Variants in DPP6 observed in about 807,000 individuals in gnomAD.
DPP6 encodes A-type potassium channel modulatory protein DPP6.
Under a neutral mutation model 122.6 loss-of-function variants are expected in DPP6, and 69 were observed. The observed-to-expected ratio is 0.56, with a 90% confidence interval of 0.46 to 0.69. DPP6 has a LOEUF of 0.69. Ranked by LOEUF, DPP6 falls within the 30% of genes least tolerant of loss-of-function variation. The pLI, the probability that DPP6 is intolerant of heterozygous loss-of-function variation, is 0.00. For missense variants in DPP6, 928 were observed against 1,116.9 expected (o/e 0.83, Z 2.41); for synonymous variants, 418 against 433.1 (o/e 0.97, Z 0.43).
chr7:153,899,705 G>C (rs1383328758), intron 1 of DPP6, among the ~76,000 whole-genome samples: 2 of 152,182 alleles, frequency 1.3e-5, no homozygotes, highest in African/African-American at 2.4e-5. Flanking sequence ...TGCTCAAAGT[G>C]TTCAAGCATT....
intron 1 of DPP6, among the ~76,000 whole-genome samples, chr7:153,947,556 G>A (rs1481602003): frequency 1.3e-5 from 2 of 152,210 alleles, no homozygotes; most frequent in East Asian, 1.9e-4. Flanking sequence ...TGATATGGAA[G>A]CCTTCCTAAG....
At chr7:154,423,682 A>C (rs748526437) in intron 1 of DPP6, among the ~76,000 whole-genome samples, 7 of 152,236 alleles carry the variant, frequency 4.6e-5, no homozygotes, top group Non-Finnish European at 8.8e-5. Context: ...ACAGACAAAA[A>C]GGAATAAGCA....
chr7:153,868,002 G>C, the DPP6 span, among the ~76,000 whole-genome samples: 296 of 152,128 alleles, frequency 1.9e-3, no homozygotes, highest in African/African-American at 6.2e-3. Context: ...GGATGAAGCC[G>C]ACTTGATCAT....
the DPP6 span, among the ~76,000 whole-genome samples, chr7:153,816,578 A>T: frequency 6.6e-6 from 1 of 152,104 alleles, no homozygotes; most frequent in South Asian, 2.1e-4. Flanking sequence ...AATGATTGAA[A>T]TAAGAGTAAA....
chr7:154,604,757 G>A (rs1833531165), intron 5 of DPP6, among the ~76,000 whole-genome samples: 2 of 120,972 alleles, frequency 1.7e-5, no homozygotes, highest in African/African-American at 2.6e-5. Flanking sequence ...ATATAGTGAA[G>A]TTACCATTTT....
intron 1 of DPP6, among the ~76,000 whole-genome samples, chr7:154,319,854 G>C: frequency 6.6e-6 from 1 of 151,898 alleles, no homozygotes; most frequent in African/African-American, 2.4e-5. Context: ...AGCTGGGCAT[G>C]GTGGTGGGTG....
intron 7 of DPP6, among the ~76,000 whole-genome samples, chr7:154,719,623 T>C (rs996974668): frequency 3.3e-5 from 5 of 152,100 alleles, no homozygotes; most frequent in African/African-American, 1.2e-4. Context: ...TACTGAATAT[T>C]TGTAAAGAGT....
At chr7:154,632,060 A>G (rs1246935720) in intron 5 of DPP6, among the ~76,000 whole-genome samples, 2 of 152,374 alleles carry the variant, frequency 1.3e-5, no homozygotes, top group East Asian at 3.9e-4. Flanking sequence ...TACAGAAAAC[A>G]GAAGTGAGGG....
chr7:154,662,241 C>T (rs1201408434), intron 6 of DPP6, among the ~76,000 whole-genome samples: 13 of 151,054 alleles, frequency 8.6e-5, no homozygotes, highest in South Asian at 6.3e-4. Flanking sequence ...ATCACCATGG[C>T]GTATTAGCCA....
rs1408964687 is a variant in DPP6 at position 154,601,893 on chromosome 7, T to C, written c.627+34977T>C. Among the ~76,000 whole-genome samples the C allele has an allele frequency of 1.6e-5, 2 of 121,434 alleles. 1 individual carries two copies. Among genetic ancestry groups the C allele is most frequent in the African/African-American group, 5.2e-5 (2 of 38,178 alleles). 79.7% of individuals were successfully genotyped at this position (121,434 alleles called of 152,430 possible). On this transcript the variant is annotated intron_variant, in intron 5 of 25. Transcript: ENST00000377770. ...AAAGCATTTATTATATGTCCCTTTA[T>C]GGAAAATATGTGCTGACTCCTATTT...
intron 5 of DPP6, among the ~76,000 whole-genome samples, chr7:154,617,512 C>G (rs1426850004): frequency 6.6e-6 from 1 of 152,110 alleles, no homozygotes; most frequent in Non-Finnish European, 1.5e-5. Flanking sequence ...ACTCACTGAC[C>G]ACAACTGAAA....
chr7:154,016,204 T>A (rs1291798368), intron 1 of DPP6, among the ~76,000 whole-genome samples: 1 of 152,170 alleles, frequency 6.6e-6, no homozygotes, highest in Non-Finnish European at 1.5e-5. Flanking sequence ...CTCTTTGTCT[T>A]GTTTTATCTT....
intron 2 of DPP6, among the ~76,000 whole-genome samples, chr7:154,465,561 C>G (rs1019305600): frequency 3.9e-5 from 6 of 152,244 alleles, no homozygotes; most frequent in African/African-American, 1.4e-4. Flanking sequence ...TGAACAGACA[C>G]TTTTCAAAAG....
intron 1 of DPP6, among the ~76,000 whole-genome samples, chr7:154,314,266 A>T (rs1343140372): frequency 2.0e-5 from 3 of 152,184 alleles, no homozygotes; most frequent in Admixed American, 6.5e-5. Context: ...GCTGTAAAAA[A>T]CAAAATATAG....
chr7:154,793,061 A>G (rs1012348703), intron 10 of DPP6, among the ~76,000 whole-genome samples: 4 of 152,336 alleles, frequency 2.6e-5, no homozygotes, highest in South Asian at 2.1e-4. Context: ...GCATCTGGCT[A>G]TAGTCGTTTC....
chr7:153,749,276 C>T, the DPP6 span, among the ~76,000 whole-genome samples: 1 of 152,122 alleles, frequency 6.6e-6, no homozygotes, highest in African/African-American at 2.4e-5. The surrounding 1 kb of genome is among the most constrained non-coding windows in gnomAD (Gnocchi z 4.1). Flanking sequence ...GGCTGGAGAT[C>T]CTACCCTGCT....
chr7:154,510,971 C>T (rs11762895), intron 3 of DPP6, among the ~76,000 whole-genome samples: 15 of 120,248 alleles, frequency 1.2e-4, no homozygotes, highest in African/African-American at 4.8e-4. Context: ...CACACACACA[C>T]AGAGAGAGAG....
At chr7:153,771,337 A>AATT in the DPP6 span, among the ~76,000 whole-genome samples, 1 of 152,058 alleles carries the variant, frequency 6.6e-6, no homozygotes, top group Admixed American at 6.6e-5. Context: ...AGTGAAATGA[A>AATT]ATTATTATTA....
intron 1 of DPP6, among the ~76,000 whole-genome samples, chr7:154,369,502 G>A (rs1000358719): frequency 2.6e-5 from 4 of 152,084 alleles, no homozygotes; most frequent in Admixed American, 6.6e-5. Context: ...CTGAGTAGCT[G>A]GGATTACAGG....
Sources: gnomAD v4.1 joint callset for allele counts (sites outside exome capture counted in the v4.1 genomes callset) on GRCh38, gnomAD v4.1.1 for gene constraint, Gnocchi (gnomAD v3.1) non-coding constraint, MANE v1.5 for transcripts, NCBI Gene and HGNC (gene_info 2026-07-23, HGNC 2026-07-21) for gene names.